OR4N5: variants seen among roughly 807,000 people sequenced by gnomAD.
OR4N5 encodes the protein olfactory receptor family 4 subfamily N member 5, also known as olfactory receptor 4N5.
For missense variants in OR4N5, 428 were observed against 370.0 expected, an observed-to-expected ratio of 1.16 and a Z score of -1.29; for synonymous variants, 155 against 140.6, an observed-to-expected ratio of 1.10 and a Z score of -0.72.
Position 20,144,123 on chromosome 14 carries a change from T to A in OR4N5, c.388T>A (p.Leu130Ile). Residue 130 changes from leucine (L) to isoleucine (I), a missense_variant, in exon 3 of 3, where the codon TTA (leucine) becomes ATA (isoleucine). Physicochemically the swap from Leu to Ile is conservative, Grantham distance 5. Coordinates refer to ENST00000641086, the MANE Select transcript of OR4N5 (RefSeq NM_001004724.2). Reference protein sequence around the residue: ...FDRYIAICRPLHYSTIMNPRA... With the variant: ...FDRYIAICRPIHYSTIMNPRA... ...CCGCTACATCGCCATCTGCCGGCCTTTACACTATTCAACCATCATGAACCC... is the reference window on the plus strand; with the variant it reads ...CCGCTACATCGCCATCTGCCGGCCTATACACTATTCAACCATCATGAACCC... 1 of 1,614,128 alleles carries A rather than the reference T, an allele frequency of 6.2e-7. No homozygotes were observed. Among genetic ancestry groups the A allele is most frequent in the Non-Finnish European group, 8.5e-7 (1 of 1,179,996 alleles).
At chr14:20,139,353 A>C (rs567500199) in intron 1 of OR4N5, among the ~76,000 whole-genome samples, 1 of 152,160 alleles carries the variant, frequency 6.6e-6, no homozygotes, top group Non-Finnish European at 1.5e-5. Context: ...CTCTGGTTCC[A>C]CACTCAGTTA....
At chr14:20,142,299 T>G (rs570905025) in intron 2 of OR4N5, among the ~76,000 whole-genome samples, 70 of 152,156 alleles carry the variant, frequency 4.6e-4, no homozygotes, top group African/African-American at 1.7e-3. Context: ...CTAATTTTGT[T>G]TTTGTATTTT....
At chr14:20,142,044 T>C (rs1878624582) in intron 2 of OR4N5, among the ~76,000 whole-genome samples, 1 of 152,190 alleles carries the variant, frequency 6.6e-6, no homozygotes, top group African/African-American at 2.4e-5. Context: ...GAAACATGCA[T>C]GGTATCATCG....
rs1275499013 is a variant in OR4N5 at position 20,143,819 on chromosome 14, T to C, written c.84T>C (p.Phe28=). ...TQSQDAQLLV[F]VLVLIFYLII... ...CTCAAGATGCTCAACTTCTGGTCTT[T>C]GTGCTAGTCTTAATTTTCTACCTTA... Residue 28 remains phenylalanine, a synonymous_variant, in exon 3 of 3, where the codon TTT becomes TTC. Coordinates refer to ENST00000641086, the MANE Select transcript of OR4N5 (RefSeq NM_001004724.2). The C allele has an allele frequency of 6.2e-7, 1 of 1,613,958 alleles. No homozygotes were observed. The highest frequency in any genetic ancestry group is 1.7e-5 in the Admixed American group (1 of 59,992).
At chr14:20,143,649 T>C (rs1004889994) in intron 2 of OR4N5, 76 bp from the exon 3 acceptor site, 14 of 978,946 alleles carry the variant, frequency 1.4e-5, no homozygotes, top group Admixed American at 1.4e-4. Context: ...AATAATGTTC[T>C]TATCTGGAGA....
At chr14:20,141,558 T>C (rs1276267984) in intron 2 of OR4N5, among the ~76,000 whole-genome samples, 2 of 152,166 alleles carry the variant, frequency 1.3e-5, no homozygotes, top group African/African-American at 4.8e-5. Context: ...AAAATGCTAA[T>C]ATATTACCTA....
At position 20,143,727 on chromosome 14, in the gene OR4N5, T is replaced by G; in HGVS notation, c.-9T>G. 2.5e-6 allele frequency: 4 copies of G among 1,587,298 alleles called. No homozygotes were observed. The highest frequency in any genetic ancestry group is 3.4e-6 in the Non-Finnish European group (4 of 1,166,474). Reference sequence around the variant, plus strand: ...ATTTGCCCTATTTTATTCTGCAGAGTGAGAAATTATGGAAACACAGAACCT... The same window carrying G: ...ATTTGCCCTATTTTATTCTGCAGAGGGAGAAATTATGGAAACACAGAACCT... On this transcript the variant is annotated splice_region_variant and 5_prime_UTR_variant, in exon 3 of 3. Transcript: ENST00000641086.
At chr14:20,142,609 A>T (rs1487367580) in intron 2 of OR4N5, among the ~76,000 whole-genome samples, 1 of 152,194 alleles carries the variant, frequency 6.6e-6, no homozygotes, top group East Asian at 1.9e-4. Context: ...TATGGCCAGA[A>T]AAGGGGGAAT....
chr14:20,142,441 T>C (rs1878637193), intron 2 of OR4N5, among the ~76,000 whole-genome samples: 1 of 152,186 alleles, frequency 6.6e-6, no homozygotes, highest in Non-Finnish European at 1.5e-5. Flanking sequence ...ACATAGCTTA[T>C]AATAATATGC....
intron 1 of OR4N5, among the ~76,000 whole-genome samples, chr14:20,139,427 C>A (rs1371486799): frequency 6.6e-6 from 1 of 152,046 alleles, no homozygotes; most frequent in Non-Finnish European, 1.5e-5. Context: ...AGTTAGCAAT[C>A]CTAAAACAAG....
intron 2 of OR4N5, among the ~76,000 whole-genome samples, chr14:20,142,685 A>T (rs1305485832): frequency 6.6e-6 from 1 of 152,212 alleles, no homozygotes; most frequent in African/African-American, 2.4e-5. Context: ...GATGAGACAT[A>T]AATAATTCCC....
intron 2 of OR4N5, among the ~76,000 whole-genome samples, chr14:20,142,838 G>T (rs1351712070): frequency 6.6e-6 from 1 of 152,132 alleles, no homozygotes; most frequent in Non-Finnish European, 1.5e-5. Flanking sequence ...TATATGTTCT[G>T]TATGGCCAAT....
Position 20,144,525 on chromosome 14 carries a change from G to A in OR4N5, c.790G>A (p.Ala264Thr). 1 of 1,613,988 alleles carries A rather than the reference G, an allele frequency of 6.2e-7. No individual in the cohort carries two copies. ...TTTCATCTACACTTGCCCCTTCCAG[G>A]CTTTCCCAGCTGACAAGGTAGTTTC... is the stretch of plus-strand genomic sequence containing the variant. ...AIFIYTCPFQ[A>T]FPADKVVSLF... The change falls in exon 3 of 3, where the codon GCT becomes ACT. Residue 264 changes from alanine (A) to threonine (T), a missense_variant. Ala to Thr is a moderately conservative substitution (Grantham distance 58, BLOSUM62 0). Transcript: ENST00000641086.
At position 20,144,452 on chromosome 14, in the gene OR4N5, A is replaced by G; in HGVS notation, c.717A>G (p.Thr239=). Residue 239 remains threonine, a synonymous_variant, in exon 3 of 3, where the codon ACA becomes ACG. Transcript: ENST00000641086. ...SSEGKSKAIS[T]CTTHIIIIFL... is the part of the protein sequence containing the mutation. ...AAGGAAAGAGCAAGGCTATTTCCAC[A>G]TGCACCACCCATATTATCATTATAT... 6.2e-7 allele frequency: 1 copy of G among 1,613,962 alleles called. No individual in the cohort carries two copies. Among genetic ancestry groups the G allele is most frequent in the Non-Finnish European group, 8.5e-7 (1 of 1,179,870 alleles).
chr14:20,141,100 A>G lies in OR4N5; in HGVS notation c.-123A>G, dbSNP rs140690708. The G allele has an allele frequency of 4.1e-3, 626 of 152,258 alleles. 7 individuals carry two copies. Among genetic ancestry groups the G allele is most frequent in the African/African-American group, 0.014 (600 of 41,566 alleles). The allele number at this position is 152,258 out of a possible 1,614,324, so 9.4% of individuals were successfully genotyped here. On this transcript the variant is annotated 5_prime_UTR_variant, in exon 2 of 3. Transcript: ENST00000641086. ...ACGGAAATAGTAGAAAATAAAAGCA[A>G]AGGAAGAGTGAGAGAGGCTGAAACT...
chr14:20,144,859 T>C lies in OR4N5; in HGVS notation c.*197T>C. ...TCTCCTAGATTTATATTCAAGGGGATAAATACAGGTTATTAGATTTATTCA... is the reference window on the plus strand; with the variant it reads ...TCTCCTAGATTTATATTCAAGGGGACAAATACAGGTTATTAGATTTATTCA... On this transcript the variant is annotated 3_prime_UTR_variant, in exon 3 of 3. Coordinates refer to ENST00000641086, the MANE Select transcript of OR4N5 (RefSeq NM_001004724.2). The C allele has an allele frequency of 1.8e-6, 1 of 557,706 alleles. No individual in the cohort carries two copies. The highest frequency in any genetic ancestry group is 3.2e-6 in the Non-Finnish European group (1 of 316,084). 34.5% of individuals were successfully genotyped at this position (557,706 alleles called of 1,614,324 possible).
chr14:20,144,289 T>G lies in OR4N5; in HGVS notation c.554T>G (p.Ile185Ser). The change falls in exon 3 of 3, where the codon ATC (isoleucine) becomes AGC (serine). Residue 185 changes from isoleucine (I) to serine (S), a missense_variant. Transcript: ENST00000641086. The stretch of plus-strand genomic sequence containing the variant: ...TTCTTCTGTGATGTTCCACAGGTCA[T>G]CAAGCTGGCCTGCACCAATACCTTT... ...DNFFCDVPQV[I>S]KLACTNTFVV... 4 of 1,614,074 alleles carry G rather than the reference T, an allele frequency of 2.5e-6. No homozygotes were observed. The highest frequency in any genetic ancestry group is 3.4e-6 in the Non-Finnish European group (4 of 1,179,994).
At chr14:20,139,414 C>G (rs567422286) in intron 1 of OR4N5, among the ~76,000 whole-genome samples, 4 of 152,222 alleles carry the variant, frequency 2.6e-5, no homozygotes, top group Admixed American at 1.3e-4. Flanking sequence ...ATATAAGGCT[C>G]AGAGTTAGCA....
chr14:20,144,542 G>T lies in OR4N5; in HGVS notation c.807G>T (p.Lys269Asn). The change falls in exon 3 of 3, where the codon AAG (lysine) becomes AAT (asparagine). Residue 269 changes from lysine (K) to asparagine (N), a missense_variant. Lys to Asn is a moderately conservative substitution (Grantham distance 94). Coordinates refer to ENST00000641086, the MANE Select transcript of OR4N5 (RefSeq NM_001004724.2). ...TCPFQAFPAD[K>N]VVSLFHTVIF... ...CCTTCCAGGCTTTCCCAGCTGACAA[G>T]GTAGTTTCTCTTTTCCATACTGTCA... 6.2e-7 allele frequency: 1 copy of T among 1,614,004 alleles called. No individual in the cohort carries two copies. Among genetic ancestry groups the T allele is most frequent in the South Asian group, 1.1e-5 (1 of 91,076 alleles).
Sources: gnomAD v4.1 joint callset for allele counts (sites outside exome capture counted in the v4.1 genomes callset) on GRCh38, gnomAD v4.1.1 for gene constraint, MANE v1.5 for transcripts, NCBI Gene and HGNC (gene_info 2026-07-23, HGNC 2026-07-21) for gene names.